Variants in STAMBPL1 observed in about 807,000 individuals in gnomAD.
The protein encoded by STAMBPL1 is STAM binding protein like 1.
STAMBPL1 carries 44 observed loss-of-function variants against 52.9 expected under a neutral mutation model. The ratio of observed to expected loss-of-function variants is 0.83; its 90% CI spans 0.65 to 1.07. The LOEUF (loss-of-function observed/expected upper bound fraction) is 1.07, where lower values mean the gene tolerates loss of function less well. Ranked by LOEUF, STAMBPL1 falls within the 50% of genes least tolerant of loss-of-function variation. STAMBPL1 has a pLI of 0.00. For synonymous variants in STAMBPL1, 164 were observed against 177.3 expected, an observed-to-expected ratio of 0.92 and a Z score of 0.60; for missense variants, 511 against 520.8, an observed-to-expected ratio of 0.98 and a Z score of 0.18.
chr10:88,911,409 T>C (rs1845221968), intron 5 of STAMBPL1, among the ~76,000 whole-genome samples: 1 of 152,172 alleles, frequency 6.6e-6, no homozygotes, highest in South Asian at 2.1e-4. Context: ...AAATGTGAAT[T>C]TGATTCTTAG....
chr10:88,884,149 C>G (rs892045510), intron 1 of STAMBPL1, among the ~76,000 whole-genome samples: 5 of 152,106 alleles, frequency 3.3e-5, no homozygotes, highest in Non-Finnish European at 7.4e-5. Flanking sequence ...AAAAATTGGG[C>G]TATGTCCAAA....
intron 2 of STAMBPL1, among the ~76,000 whole-genome samples, chr10:88,902,268 C>G (rs1198406866): frequency 6.6e-6 from 1 of 152,202 alleles, no homozygotes; most frequent in Non-Finnish European, 1.5e-5. Flanking sequence ...CTAGATCAGT[C>G]TCTGAGTGTG....
At chr10:88,884,125 C>A (rs1298962304) in intron 1 of STAMBPL1, among the ~76,000 whole-genome samples, 2 of 152,100 alleles carry the variant, frequency 1.3e-5, no homozygotes, top group African/African-American at 4.8e-5. Flanking sequence ...AAATGAGATT[C>A]TCAATTTATT....
At chr10:88,896,069 A>G (rs1844803205) in intron 1 of STAMBPL1, among the ~76,000 whole-genome samples, 1 of 152,224 alleles carries the variant, frequency 6.6e-6, no homozygotes, top group Admixed American at 6.5e-5. Context: ...GGCACCTAGT[A>G]AATGATAATA....
At chr10:88,894,230 A>G (rs1307930240) in intron 1 of STAMBPL1, among the ~76,000 whole-genome samples, 1 of 152,166 alleles carries the variant, frequency 6.6e-6, no homozygotes, top group Non-Finnish European at 1.5e-5. Flanking sequence ...CAGATGTTCT[A>G]ACCCTGGAGA....
intron 1 of STAMBPL1, among the ~76,000 whole-genome samples, chr10:88,898,284 C>G (rs1399560036): frequency 1.3e-5 from 2 of 152,190 alleles, no homozygotes; most frequent in Non-Finnish European, 2.9e-5. Flanking sequence ...GAAATCTCCA[C>G]TATACAACTG....
chr10:88,912,927 A>G, intron 5 of STAMBPL1, 174 bp from the exon 6 acceptor site: 2 of 659,190 alleles, frequency 3.0e-6, no homozygotes, highest in Non-Finnish European at 5.3e-6. Context: ...TAATCAGATC[A>G]AGGGGCTTTT....
intron 9 of STAMBPL1, among the ~76,000 whole-genome samples, chr10:88,921,698 A>G (rs541167075): frequency 1.3e-5 from 2 of 152,338 alleles, no homozygotes; most frequent in South Asian, 4.1e-4. Flanking sequence ...TTCTACCATA[A>G]GAAATGTTCT....
intron 8 of STAMBPL1, among the ~76,000 whole-genome samples, chr10:88,920,462 C>T (rs901498597): frequency 6.6e-6 from 1 of 152,114 alleles, no homozygotes; most frequent in South Asian, 2.1e-4. Context: ...GAGTCAGGAC[C>T]TAGAGAGTGG....
intron 1 of STAMBPL1, among the ~76,000 whole-genome samples, chr10:88,888,732 G>A (rs989712303): frequency 6.6e-6 from 1 of 152,196 alleles, no homozygotes; most frequent in East Asian, 1.9e-4. Context: ...GACTCAGAGA[G>A]TTAAGTAATT....
chr10:88,906,132 A>G (rs1845068377), intron 3 of STAMBPL1, among the ~76,000 whole-genome samples: 1 of 151,148 alleles, frequency 6.6e-6, no homozygotes, highest in African/African-American at 2.5e-5. Flanking sequence ...AGGTTCAGGG[A>G]TAGGTTCAGG....
intron 1 of STAMBPL1, among the ~76,000 whole-genome samples, chr10:88,888,858 A>G (rs550927561): frequency 1.3e-5 from 2 of 152,248 alleles, no homozygotes; most frequent in African/African-American, 4.8e-5. Context: ...ATAAAGTGAT[A>G]CATACTTATA....
intron 1 of STAMBPL1, among the ~76,000 whole-genome samples, chr10:88,892,096 G>A (rs1185957916): frequency 1.3e-5 from 2 of 152,088 alleles, no homozygotes; most frequent in Admixed American, 1.3e-4. Context: ...TGAGATGCAG[G>A]GTGAGGGAGG....
rs760656742 is a variant in STAMBPL1, at chr10:88,921,310, T to C, written c.1069T>C (p.Ser357Pro). The C allele has an allele frequency of 1.2e-6, 2 of 1,613,258 alleles. No homozygotes were observed. Among genetic ancestry groups the C allele is most frequent in the Non-Finnish European group, 8.5e-7 (1 of 1,179,464 alleles). The change falls in exon 9 of 11, where the codon TCC becomes CCC. Residue 357 changes from serine (S) to proline (P), a missense_variant. This residue lies in a region of STAMBPL1 where 137 missense variants were observed against 139.9 expected (regional missense o/e 0.98). Coordinates refer to ENST00000371926, the MANE Select transcript of STAMBPL1 (RefSeq NM_020799.4). Reference protein sequence around the residue: ...HTHPTQTAFLSSVDLHTHCSY... With the variant: ...HTHPTQTAFLPSVDLHTHCSY... Reference sequence around the variant, plus strand: ...ACATCCCACTCAAACTGCATTTTTATCCAGCGTTGATCTTCACACTCACTG... The same window carrying C: ...ACATCCCACTCAAACTGCATTTTTACCCAGCGTTGATCTTCACACTCACTG...
chr10:88,916,986 G>A (rs1237868660), intron 8 of STAMBPL1, among the ~76,000 whole-genome samples, 169 bp downstream of exon 8: 1 of 152,002 alleles, frequency 6.6e-6, no homozygotes, highest in African/African-American at 2.4e-5. Flanking sequence ...AAGAATAACA[G>A]ATATTAAAAA....
chr10:88,897,855 A>G (rs1844850733), intron 1 of STAMBPL1, among the ~76,000 whole-genome samples: 1 of 152,342 alleles, frequency 6.6e-6, no homozygotes, highest in East Asian at 1.9e-4. Context: ...CTTGCATGAT[A>G]CTGAATACTT....
intron 1 of STAMBPL1, among the ~76,000 whole-genome samples, 164 bp downstream of exon 1, chr10:88,880,802 C>G (rs1177802429): frequency 6.6e-6 from 1 of 152,194 alleles, no homozygotes; most frequent in African/African-American, 2.4e-5. Context: ...GGCGGCTGAT[C>G]GCTTCCTTCC....
chr10:88,892,465 A>G (rs1589354543), intron 1 of STAMBPL1, among the ~76,000 whole-genome samples: 1 of 152,112 alleles, frequency 6.6e-6, no homozygotes, highest in African/African-American at 2.4e-5. Flanking sequence ...CATCCAAATC[A>G]GGGGGATGTC....
intron 1 of STAMBPL1, among the ~76,000 whole-genome samples, chr10:88,895,167 C>G (rs1348509726): frequency 6.6e-6 from 1 of 152,206 alleles, no homozygotes. Context: ...AAAATGGCTG[C>G]TGCCTTTTAA....
Sources: gnomAD v4.1 joint callset for allele counts (sites outside exome capture counted in the v4.1 genomes callset) on GRCh38, gnomAD v4.1.1 for gene constraint, gnomAD v4.1.1 regional missense constraint, MANE v1.5 for transcripts, NCBI Gene and HGNC (gene_info 2026-07-23, HGNC 2026-07-21) for gene names.